Variants in CNTN4 observed in about 807,000 individuals in gnomAD.
CNTN4 encodes contactin-4.
A neutral mutation model predicts 122.5 loss-of-function variants in CNTN4; 77 were observed. That is an observed-to-expected ratio of 0.63 (90% CI 0.52 to 0.76). The LOEUF is 0.76. Among genes scored for constraint, CNTN4 ranks in the 30% least tolerant of loss-of-function variants. CNTN4 has a pLI of 0.00. For missense variants in CNTN4, 1,256 were observed against 1,259.1 expected (o/e 1.00, Z 0.04); for synonymous variants, 512 against 447.0 (o/e 1.15, Z -1.83).
chr3:2,203,997 G>A (rs960765965), intron 2 of CNTN4, among the ~76,000 whole-genome samples: 1 of 152,054 alleles, frequency 6.6e-6, no homozygotes, highest in African/African-American at 2.4e-5. Context: ...TGGTATGAGT[G>A]TATTTCAAAC....
At chr3:2,276,549 ACT>A (rs1342631273) in intron 2 of CNTN4, among the ~76,000 whole-genome samples, 2 of 151,340 alleles carry the variant, frequency 1.3e-5, no homozygotes, top group Non-Finnish European at 3.0e-5. Context: ...AGAAAGTAAG[ACT>A]CTTCTATTTT....
chr3:3,042,443 T>G, intron 21 of CNTN4, 21 bp downstream of exon 21: 1 of 1,502,366 alleles, frequency 6.7e-7, no homozygotes, highest in Non-Finnish European at 9.3e-7. Flanking sequence ...CATATGTGCC[T>G]TGGGTCTGAA....
In CNTN4 at chr3:2,476,586, T is replaced by C. The variant is rs546431132; in HGVS notation, c.-88-94830T>C. Among the ~76,000 whole-genome samples the C allele has an allele frequency of 3.3e-4, 51 of 152,336 alleles. 1 individual carries two copies. In the South Asian group the frequency reaches 4.6e-3, roughly 14 times the overall value. On this transcript the variant is annotated intron_variant, in intron 3 of 24. Coordinates refer to ENST00000418658, the MANE Select transcript of CNTN4 (RefSeq NM_175607.3). ...ACCAGATGCGTTGTATGATTCCATT[T>C]ATATATGTCCAGGAAAGGCCAATAT...
chr3:2,420,123 C>T (rs565834080), intron 3 of CNTN4, among the ~76,000 whole-genome samples: 3 of 152,298 alleles, frequency 2.0e-5, no homozygotes, highest in Non-Finnish European at 4.4e-5. Context: ...TGTCAGTGCC[C>T]TATCCATATG....
intron 3 of CNTN4, among the ~76,000 whole-genome samples, chr3:2,445,361 C>A (rs930087517): frequency 6.7e-6 from 1 of 149,276 alleles, no homozygotes; most frequent in East Asian, 2.0e-4. Context: ...CAGGTATTAC[C>A]ACCTGGGAGA....
At chr3:2,955,168 G>C (rs1220312600) in intron 13 of CNTN4, among the ~76,000 whole-genome samples, 1 of 152,090 alleles carries the variant, frequency 6.6e-6, no homozygotes, top group Non-Finnish European at 1.5e-5. Flanking sequence ...GAGACAGCCA[G>C]GTGCTCACCA....
chr3:3,007,377 C>T (rs2125460425), intron 14 of CNTN4, among the ~76,000 whole-genome samples: 1 of 152,284 alleles, frequency 6.6e-6, no homozygotes, highest in East Asian at 1.9e-4. Context: ...GATTAACCCT[C>T]CCTGTAAGAT....
intron 4 of CNTN4, among the ~76,000 whole-genome samples, chr3:2,573,764 G>T (rs772571185): frequency 8.5e-5 from 13 of 152,108 alleles, no homozygotes; most frequent in Non-Finnish European, 1.6e-4. Context: ...GTTTTTGTGA[G>T]GCTTTTTTGT....
intron 10 of CNTN4, among the ~76,000 whole-genome samples, chr3:2,891,491 G>A (rs2094040268): frequency 6.6e-6 from 1 of 152,168 alleles, no homozygotes; most frequent in East Asian, 1.9e-4. Context: ...GAAAGTAGCT[G>A]AGAGCAAGAG....
At chr3:2,853,369 C>G (rs775711806) in intron 7 of CNTN4, among the ~76,000 whole-genome samples, 1 of 152,096 alleles carries the variant, frequency 6.6e-6, no homozygotes, top group South Asian at 2.1e-4. Context: ...CTCAGCCTCC[C>G]AAGTAGCTGA....
chr3:2,185,016 G>A (rs1041377830), intron 2 of CNTN4, among the ~76,000 whole-genome samples: 1 of 152,154 alleles, frequency 6.6e-6, no homozygotes, highest in Non-Finnish European at 1.5e-5. Flanking sequence ...TTACCTGCAA[G>A]CTCCTCCTGG....
chr3:2,496,992 T>C (rs1414091412), intron 3 of CNTN4, among the ~76,000 whole-genome samples: 1 of 152,138 alleles, frequency 6.6e-6, no homozygotes, highest in African/African-American at 2.4e-5. Context: ...AAAATTGCCC[T>C]TCTTCAGCCT....
chr3:2,575,318 T>G (rs1358521303), intron 4 of CNTN4, among the ~76,000 whole-genome samples: 2 of 152,008 alleles, frequency 1.3e-5, no homozygotes, highest in Non-Finnish European at 2.9e-5. Flanking sequence ...TCAACAGCAG[T>G]GTGGCCAACA....
chr3:2,320,068 C>A (rs905299604), intron 2 of CNTN4, among the ~76,000 whole-genome samples: 1 of 152,128 alleles, frequency 6.6e-6, no homozygotes, highest in Admixed American at 6.6e-5. Context: ...AGTGCCTTAG[C>A]AAAGAGAATA....
At chr3:2,349,706 A>G (rs2044535513) in intron 3 of CNTN4, among the ~76,000 whole-genome samples, 1 of 152,248 alleles carries the variant, frequency 6.6e-6, no homozygotes, top group Admixed American at 6.5e-5. Context: ...GAATATTAGC[A>G]TAGCTCTGAT....
intron 3 of CNTN4, among the ~76,000 whole-genome samples, chr3:2,435,331 C>G (rs1474877260): frequency 6.6e-6 from 1 of 152,132 alleles, no homozygotes; most frequent in African/African-American, 2.4e-5. Flanking sequence ...AATGCACATT[C>G]TCCTGTATAC....
chr3:2,533,864 T>C (rs1411298484), intron 3 of CNTN4, among the ~76,000 whole-genome samples: 18 of 152,224 alleles, frequency 1.2e-4, no homozygotes, highest in Non-Finnish European at 2.4e-4. Context: ...TGACCAGTGA[T>C]GATGAGCATT....
chr3:2,550,109 C>T (rs1384942856), intron 3 of CNTN4, among the ~76,000 whole-genome samples: 1 of 152,032 alleles, frequency 6.6e-6, no homozygotes, highest in African/African-American at 2.4e-5. Flanking sequence ...ATTAGTCTGG[C>T]TAGTAGTTTA....
chr3:2,962,292 A>C (rs1163345071), intron 13 of CNTN4, among the ~76,000 whole-genome samples: 1 of 152,214 alleles, frequency 6.6e-6, no homozygotes, highest in Non-Finnish European at 1.5e-5. Context: ...CTGGTGCAGC[A>C]CAGGAAATCC....
Sources: gnomAD v4.1 joint callset for allele counts (sites outside exome capture counted in the v4.1 genomes callset) on GRCh38, gnomAD v4.1.1 for gene constraint, MANE v1.5 for transcripts, NCBI Gene and HGNC (gene_info 2026-07-23, HGNC 2026-07-21) for gene names.